Variants in KANSL1 observed in about 807,000 individuals in gnomAD.
KANSL1 encodes MLL1/MLL complex subunit KANSL1.
KANSL1 carries 22 observed loss-of-function variants against 103.6 expected under a neutral mutation model. That is an observed-to-expected ratio of 0.21 (90% CI 0.15 to 0.30). The LOEUF (loss-of-function observed/expected upper bound fraction) is 0.30, where lower values mean the gene tolerates loss of function less well. KANSL1 is among the 10% of genes least tolerant of loss of function. The probability of loss-of-function intolerance (pLI) is 1.00; values close to 1 mark genes in which losing one functional copy is unlikely to be tolerated. For missense variants in KANSL1, 1,337 were observed against 1,399.8 expected (o/e 0.96, Z 0.72); for synonymous variants, 600 against 527.6 (o/e 1.14, Z -1.88).
chr17:46,088,472 G>A (rs1418207272), intron 3 of KANSL1: 1 of 152,260 alleles, frequency 6.6e-6, no homozygotes, highest in African/African-American at 2.4e-5. Flanking sequence ...ATAAGCTTCT[G>A]CAGTTCCCAT....
chr17:46,189,613 T>C (rs1291317859), intron 1 of KANSL1, among the ~76,000 whole-genome samples: 1 of 152,214 alleles, frequency 6.6e-6, no homozygotes, highest in Non-Finnish European at 1.5e-5. Flanking sequence ...CTAAGCGTAG[T>C]GGTTCATGCC....
intron 2 of KANSL1, among the ~76,000 whole-genome samples, chr17:46,146,812 G>A (rs995950992): frequency 2.4e-4 from 22 of 90,760 alleles, no homozygotes; most frequent in Admixed American, 1.5e-4. Flanking sequence ...CAGCCTGGGC[G>A]ACAGAGCGAG....
upstream of KANSL1, among the ~76,000 whole-genome samples, chr17:46,197,184 C>T (rs1567796022): frequency 1.3e-5 from 2 of 152,246 alleles, no homozygotes; most frequent in Non-Finnish European, 2.9e-5. Context: ...CTCTTACACA[C>T]AGCTCTGTAT....
intron 2 of KANSL1, among the ~76,000 whole-genome samples, chr17:46,136,838 T>G (rs2044169326): frequency 6.6e-6 from 1 of 152,242 alleles, no homozygotes. Context: ...TAACTGCCAT[T>G]ATGAACCAAC....
chr17:46,067,621 A>C lies in KANSL1; in HGVS notation c.1580T>G (p.Ile527Ser). The C allele has an allele frequency of 2.5e-6, 4 of 1,607,160 alleles. No individual in the cohort carries two copies. Among genetic ancestry groups the C allele is most frequent in the Non-Finnish European group, 3.4e-6 (4 of 1,173,666 alleles). ...AGACAGTGACTCTGAAATATGACCA[A>C]TAATAGGGGCACCATGGTTTTCCAA... ...QPLENHGAPI[I>S]GHISESLSTK... The change falls in exon 5 of 15, where the codon ATT (isoleucine) becomes AGT (serine). Residue 527 changes from isoleucine to serine, a missense_variant. Around this residue, in one of 2 missense-constraint regions of KANSL1, gnomAD observed 780 missense variants for 923.4 expected, o/e 0.84. Transcript: ENST00000432791.
At chr17:46,174,031 G>A (rs912182252) in intron 1 of KANSL1, among the ~76,000 whole-genome samples, 2 of 152,222 alleles carry the variant, frequency 1.3e-5, no homozygotes, top group Non-Finnish European at 2.9e-5. Flanking sequence ...CCTTGCAAAT[G>A]AACAAAGTGA....
intron 2 of KANSL1, among the ~76,000 whole-genome samples, chr17:46,109,691 G>A (rs1303014974): frequency 1.3e-5 from 2 of 152,198 alleles, no homozygotes; most frequent in South Asian, 2.1e-4. Context: ...TGATTTCAAT[G>A]ACATAACATT....
chr17:46,140,888 TGTG>T (rs1163370436), intron 2 of KANSL1, among the ~76,000 whole-genome samples: 1 of 152,170 alleles, frequency 6.6e-6, no homozygotes, highest in East Asian at 1.9e-4. Flanking sequence ...TTGGCAAGAA[TGTG>T]GAGAGAATGG....
intron 2 of KANSL1, among the ~76,000 whole-genome samples, chr17:46,151,648 C>A (rs1312418700): frequency 6.6e-6 from 1 of 152,250 alleles, no homozygotes; most frequent in East Asian, 1.9e-4. Context: ...ATGCCTGGAA[C>A]ACACTGAGTA....
Position 46,033,419 on chromosome 17 carries a change from T to G in KANSL1, c.2708A>C (p.Asp903Ala), listed in dbSNP as rs769568583. ...GGCCATTACCTCTTCATTCTCCTCATCAGGACTCCCCTTCAGAGACTGAAG... is the reference window on the plus strand; with the variant it reads ...GGCCATTACCTCTTCATTCTCCTCAGCAGGACTCCCCTTCAGAGACTGAAG... ...VDLQSLKGSP[D>A]EENEEIEDLS... is the part of the protein sequence containing the mutation. The change falls in exon 12 of 15, where the codon GAT becomes GCT. Residue 903 changes from aspartate (D) to alanine (A), a missense_variant. Physicochemically the swap from Asp to Ala is moderately radical, Grantham distance 126. Transcript: ENST00000432791. The G allele has an allele frequency of 6.2e-7, 1 of 1,614,120 alleles. No individual in the cohort carries two copies. Among genetic ancestry groups the G allele is most frequent in the Non-Finnish European group, 8.5e-7 (1 of 1,179,992 alleles).
At chr17:46,060,042 G>A (rs1249618559) in intron 6 of KANSL1, among the ~76,000 whole-genome samples, 2 of 152,128 alleles carry the variant, frequency 1.3e-5, no homozygotes, top group African/African-American at 4.8e-5. Flanking sequence ...CTTGATACAC[G>A]AAGAAATTCC....
chr17:46,103,963 G>A (rs1269536056), intron 2 of KANSL1, among the ~76,000 whole-genome samples: 1 of 152,202 alleles, frequency 6.6e-6, no homozygotes, highest in Non-Finnish European at 1.5e-5. Context: ...AGGAGGCAGA[G>A]GTTGCAGTGA....
intron 3 of KANSL1, among the ~76,000 whole-genome samples, chr17:46,090,542 A>G (rs1436393636): frequency 1.3e-5 from 2 of 152,232 alleles, no homozygotes; most frequent in Non-Finnish European, 2.9e-5. Flanking sequence ...AAGAATCTGA[A>G]GCTCAGAAAT....
intron 1 of KANSL1, among the ~76,000 whole-genome samples, chr17:46,199,944 G>A (rs530119530): frequency 6.6e-6 from 1 of 152,232 alleles, no homozygotes; most frequent in South Asian, 2.1e-4. Flanking sequence ...CTCCACAGTG[G>A]TGGATTTAAT....
At chr17:46,212,121 C>T (rs1044876958) in intron 1 of KANSL1, among the ~76,000 whole-genome samples, 1 of 152,192 alleles carries the variant, frequency 6.6e-6, no homozygotes, top group Non-Finnish European at 1.5e-5. Context: ...TATACTAGAA[C>T]ATATATACAT....
chr17:46,156,204 G>A (rs535677269), intron 2 of KANSL1, among the ~76,000 whole-genome samples: 9 of 152,222 alleles, frequency 5.9e-5, no homozygotes, highest in East Asian at 1.9e-4. Context: ...AAAATTAGCC[G>A]GGCATGGTAG....
At chr17:46,083,965 A>T (rs1052300983) in intron 3 of KANSL1, among the ~76,000 whole-genome samples, 9 of 152,362 alleles carry the variant, frequency 5.9e-5, no homozygotes, top group African/African-American at 2.2e-4. Context: ...AACATTAAGA[A>T]AGAAAAATGG....
chr17:46,197,636 G>A (rs1000879987), upstream of KANSL1, among the ~76,000 whole-genome samples: 1 of 152,194 alleles, frequency 6.6e-6, no homozygotes, highest in Non-Finnish European at 1.5e-5. Context: ...GAAGGAGACT[G>A]TGTCTCAAAA....
At chr17:46,112,847 G>A (rs1031433827) in intron 2 of KANSL1, among the ~76,000 whole-genome samples, 24 of 151,746 alleles carry the variant, frequency 1.6e-4, no homozygotes, top group African/African-American at 4.6e-4. Flanking sequence ...TTAGCCTCTC[G>A]AGTAGGTGGG....
Sources: allele counts gnomAD v4.1 joint callset (sites outside exome capture counted in the v4.1 genomes callset), GRCh38; gene constraint gnomAD v4.1.1; regional missense constraint gnomAD v4.1.1; transcripts MANE v1.5; gene names NCBI Gene and HGNC (gene_info 2026-07-23, HGNC 2026-07-21).